The following NFILZ variants were observed in gnomAD, a reference collection of about 807,000 sequenced individuals.
The protein encoded by NFILZ is NFIL3 like basic leucine zipper, also known as NFIL3 like protein.
At chr19:8,663,750 G>GTGTGTGCGTGTGTGTGTGTATGTGTGTA (rs2043047154) in intron 3 of NFILZ, among the ~76,000 whole-genome samples, 1 of 136,968 alleles carries the variant, frequency 7.3e-6, no homozygotes, top group Non-Finnish European at 1.6e-5. Flanking sequence ...GTGTGTGTGT[G>GTGTGTGCGTGTGTGTGTGTATGTGTGTA]TGTGTGTGTG....
At chr19:8,633,932 TTCCTTCCTTCCTTCCC>T (rs1182817146) in intron 2 of NFILZ, among the ~76,000 whole-genome samples, 1 of 145,106 alleles carries the variant, frequency 6.9e-6, no homozygotes, top group Non-Finnish European at 1.5e-5. Flanking sequence ...CCTTCCTTCC[TTCCTTCCTTCCTTCCC>T]TCCCTTCTTT....
At chr19:8,646,640 C>G (rs561044171) in intron 3 of NFILZ, among the ~76,000 whole-genome samples, 1 of 152,136 alleles carries the variant, frequency 6.6e-6, no homozygotes, top group African/African-American at 2.4e-5. Flanking sequence ...CCACTGTGGC[C>G]GGCAAGCCCT....
intron 3 of NFILZ, among the ~76,000 whole-genome samples, chr19:8,644,651 G>C (rs1376494451): frequency 6.6e-6 from 1 of 151,214 alleles, no homozygotes; most frequent in Admixed American, 6.6e-5. Context: ...TTTTTGTAGA[G>C]ATGGGGGTCT....
At chr19:8,656,392 C>T (rs1219136472) in intron 3 of NFILZ, among the ~76,000 whole-genome samples, 3,932 of 27,876 alleles carry the variant, frequency 0.14, 72 homozygotes, top group South Asian at 0.18. Context: ...CACCTTCTCC[C>T]GCAGCCCACC....
chr19:8,647,944 G>A (rs1182236602), intron 3 of NFILZ, among the ~76,000 whole-genome samples: 1 of 151,512 alleles, frequency 6.6e-6, no homozygotes, highest in Admixed American at 6.6e-5. Flanking sequence ...AGGCCGAGGC[G>A]GGTGGATCAC....
chr19:8,653,249 T>C (rs112574296), intron 3 of NFILZ, among the ~76,000 whole-genome samples: 1,616 of 151,874 alleles, frequency 0.011, 30 homozygotes, highest in African/African-American at 0.037. Context: ...CCCAGCTAAT[T>C]TTTGCATCTT....
chr19:8,636,191 T>C (rs1375831569), intron 3 of NFILZ, among the ~76,000 whole-genome samples: 2 of 151,248 alleles, frequency 1.3e-5, no homozygotes, highest in African/African-American at 4.9e-5. Flanking sequence ...GGCTCATGCC[T>C]GTAATCTCAG....
At chr19:8,630,998 A>G (rs979986670) in intron 1 of NFILZ, among the ~76,000 whole-genome samples, 1 of 152,296 alleles carries the variant, frequency 6.6e-6, no homozygotes, top group Non-Finnish European at 1.5e-5. Context: ...GATTAAGCAA[A>G]GCTGACTAGG....
rs1424996126 is a variant in NFILZ at position 8,676,358 on chromosome 19, G to T, written c.-113-1G>T. Among the ~76,000 whole-genome samples, 1 of 152,126 alleles carries T rather than the reference G, an allele frequency of 6.6e-6. No homozygotes were observed. Among genetic ancestry groups the T allele is most frequent in the Non-Finnish European group, 1.5e-5 (1 of 68,018 alleles). On this transcript the variant is annotated splice_acceptor_variant, in intron 4 of 5. Coordinates refer to ENST00000691075, the MANE Select transcript of NFILZ (RefSeq NM_001378600.1). LOFTEE classifies it low-confidence loss of function (5UTR_SPLICE). ...CATGGATACATATTCTCTATTTCTA[G>T]GTTCAGTCATCCTTCTGTCTCCCTC...
At chr19:8,652,969 CTCCTTCCTTCCTTCCTTCCTTCCTTCCT>C (rs1207071930) in intron 3 of NFILZ, among the ~76,000 whole-genome samples, 4 of 114,028 alleles carry the variant, frequency 3.5e-5, no homozygotes, top group African/African-American at 1.1e-4. Context: ...CCTTCCTTCC[CTCCTTCCTTCCTTCCTTCCTTCCTTCCT>C]TCCTTCCTTC....
chr19:8,640,810 G>A (rs1458583460), intron 3 of NFILZ, among the ~76,000 whole-genome samples: 1 of 152,180 alleles, frequency 6.6e-6, no homozygotes, highest in East Asian at 1.9e-4. Flanking sequence ...ACAGCACCTT[G>A]CAAGGGGCAG....
chr19:8,677,832 T>C lies in NFILZ; in HGVS notation c.*197T>C, dbSNP rs2043118322. 6.6e-6 allele frequency among the ~76,000 whole-genome samples: 1 copy of C among 152,056 alleles called. No individual in the cohort carries two copies. Among genetic ancestry groups the C allele is most frequent in the Admixed American group, 6.5e-5 (1 of 15,276 alleles). Reference sequence around the variant, plus strand: ...GGGGTGGAGTGGATGGGAGCCCATCTTGGATTCTACCATGGCTCTTGCCTT... The same window carrying C: ...GGGGTGGAGTGGATGGGAGCCCATCCTGGATTCTACCATGGCTCTTGCCTT... On this transcript the variant is annotated 3_prime_UTR_variant, in exon 6 of 6. Coordinates refer to ENST00000691075, the MANE Select transcript of NFILZ (RefSeq NM_001378600.1).
rs1325107636 is a variant in NFILZ, at chr19:8,680,448, GTCTTT to G, written c.*2820_*2824del. 1.3e-5 allele frequency among the ~76,000 whole-genome samples: 2 copies of G among 152,130 alleles called. No individual in the cohort carries two copies. Among genetic ancestry groups the G allele is most frequent in the African/African-American group, 2.4e-5 (1 of 41,422 alleles). On this transcript the variant is annotated 3_prime_UTR_variant, in exon 6 of 6. Coordinates refer to ENST00000691075, the MANE Select transcript of NFILZ (RefSeq NM_001378600.1). ...AAAATCATATGCAGCCGAGTTGGCA[GTCTTT>G]TCTTTTGTGGTTTGTACATTTTTGT...
At chr19:8,667,616 C>A (rs541609847) in intron 3 of NFILZ, among the ~76,000 whole-genome samples, 3 of 152,064 alleles carry the variant, frequency 2.0e-5, no homozygotes, top group Non-Finnish European at 4.4e-5. Context: ...GGTGCGATCT[C>A]GGCTCACTGC....
intron 3 of NFILZ, among the ~76,000 whole-genome samples, chr19:8,641,983 C>A (rs1301605787): frequency 1.3e-5 from 2 of 152,102 alleles, no homozygotes; most frequent in African/African-American, 2.4e-5. Context: ...TGTGCACCAT[C>A]ATGCCCAGCT....
intron 3 of NFILZ, among the ~76,000 whole-genome samples, chr19:8,669,266 T>C (rs1030927): frequency 0.52 from 78,481 of 151,282 alleles, 21,335 homozygotes; most frequent in East Asian, 0.74. Context: ...CTAACAACAA[T>C]AAATGAAAAA....
At chr19:8,671,349 G>A (rs949698093) in intron 3 of NFILZ, among the ~76,000 whole-genome samples, 2 of 151,826 alleles carry the variant, frequency 1.3e-5, no homozygotes, top group Non-Finnish European at 2.9e-5. Context: ...AAATAAACTC[G>A]GGCAGCAGAA....
intron 2 of NFILZ, among the ~76,000 whole-genome samples, chr19:8,632,935 C>T (rs181386546): frequency 0.014 from 2,091 of 151,044 alleles, 23 homozygotes; most frequent in Non-Finnish European, 0.021. Flanking sequence ...GTTGTCCAGG[C>T]TGGTCTCAAA....
chr19:8,680,325 TCA>T lies in NFILZ; in HGVS notation c.*2691_*2692del, dbSNP rs533535739. On this transcript the variant is annotated 3_prime_UTR_variant, in exon 6 of 6. Transcript: ENST00000691075. ...TTCATTCATTCATTCATTCATTCATTCATTTTTTAATTCATTTGCTTATTTAG... is the reference window on the plus strand; with the variant it reads ...TTCATTCATTCATTCATTCATTCATTTTTTTTAATTCATTTGCTTATTTAG... 0.026 allele frequency among the ~76,000 whole-genome samples: 3,895 copies of T among 151,756 alleles called. 171 individuals are homozygous for T. Among genetic ancestry groups the T allele is most frequent in the African/African-American group, 0.089 (3,663 of 41,352 alleles).
Sources: gnomAD v4.1 joint callset for allele counts (sites outside exome capture counted in the v4.1 genomes callset) on GRCh38, gnomAD v4.1.1 for gene constraint, MANE v1.5 for transcripts, NCBI Gene and HGNC (gene_info 2026-07-23, HGNC 2026-07-21) for gene names.